The following BICD1 variants were observed in gnomAD, a reference collection of about 807,000 sequenced individuals.
The protein encoded by BICD1 is BICD cargo adaptor 1, also known as protein bicaudal D homolog 1.
BICD1 carries 35 observed loss-of-function variants against 92.5 expected under a neutral mutation model. That is an observed-to-expected ratio of 0.38 (90% CI 0.29 to 0.50). The LOEUF (loss-of-function observed/expected upper bound fraction) is 0.50, where lower values mean the gene tolerates loss of function less well. Among genes scored for constraint, BICD1 ranks in the 20% least tolerant of loss-of-function variants. The probability of loss-of-function intolerance (pLI) is 0.93; values close to 1 mark genes in which losing one functional copy is unlikely to be tolerated. For synonymous variants in BICD1, 429 were observed against 465.1 expected (o/e 0.92, Z 1.00); for missense variants, 950 against 1,189.8 (o/e 0.80, Z 2.97).
intron 4 of BICD1, among the ~76,000 whole-genome samples, chr12:32,322,734 A>C (rs1179323730): frequency 6.6e-6 from 1 of 152,244 alleles, no homozygotes; most frequent in East Asian, 1.9e-4. Flanking sequence ...TTAGGCTTAG[A>C]AAATGTTTAT....
chr12:32,327,830 A>C lies in BICD1; in HGVS notation c.1375A>C (p.Ile459Leu), dbSNP rs935771046. The change falls in exon 5 of 10, where the codon ATC becomes CTC. Residue 459 changes from isoleucine to leucine, a missense_variant. By Grantham distance (5) the Ile-to-Leu change is conservative. Coordinates refer to ENST00000652176, the MANE Select transcript of BICD1 (RefSeq NM_001714.4). ...TDEKAKYESK[I>L]QMYDEQVTSL... ...TGAGAAGGCCAAGTATGAGAGTAAA[A>C]TCCAGATGTATGATGAGCAGGTGAC... is the stretch of plus-strand genomic sequence containing the variant. The C allele has an allele frequency of 1.5e-5, 25 of 1,613,962 alleles. No homozygotes were observed. The African/African-American group carries it at 2.7e-4, about 17-fold the overall frequency.
intron 5 of BICD1, among the ~76,000 whole-genome samples, chr12:32,330,306 C>G (rs1271322357): frequency 2.0e-5 from 3 of 151,596 alleles, no homozygotes; most frequent in African/African-American, 7.3e-5. Flanking sequence ...CCATCATTCT[C>G]AGCAAACTAT....
intron 2 of BICD1, among the ~76,000 whole-genome samples, chr12:32,221,332 G>A (rs1254800662): frequency 4.8e-5 from 7 of 146,760 alleles, no homozygotes; most frequent in East Asian, 4.0e-4. Flanking sequence ...ATTAATAAAC[G>A]TTATCTGTAT....
Position 32,335,154 on chromosome 12 carries a change from ATT to A in BICD1, c.2252+500_2252+501del, listed in dbSNP as rs11326277. Among the ~76,000 whole-genome samples, 1,257 of 147,550 alleles carry A rather than the reference ATT, an allele frequency of 8.5e-3. 13 individuals carry two copies. Among genetic ancestry groups the A allele is most frequent in the African/African-American group, 0.028 (1,132 of 40,336 alleles). Reference sequence around the variant, plus strand: ...TCATCACATCAGCTAATTACTTATAATTTTTTTTTTTTTTGAGACGGAGTCTT... The same window carrying A: ...TCATCACATCAGCTAATTACTTATAATTTTTTTTTTTTGAGACGGAGTCTT... On this transcript the variant is annotated intron_variant, in intron 6 of 9. Transcript: ENST00000652176.
At chr12:32,143,463 T>G (rs2668305) in intron 1 of BICD1, among the ~76,000 whole-genome samples, 83,492 of 151,888 alleles carry the variant, frequency 0.55, 23,188 homozygotes, top group South Asian at 0.69. Flanking sequence ...ACATTTTTTT[T>G]TGTGTGTGTG....
chr12:32,125,012 A>G lies in BICD1; in HGVS notation c.213+17468A>G, dbSNP rs763120777. ...GGGTCTGGGAGGATCTGCTGCTCCC[A>G]TGCCCTCCTTTGTATATTTTAAATC... is the stretch of plus-strand genomic sequence containing the variant. On this transcript the variant is annotated intron_variant, in intron 1 of 9. Coordinates refer to ENST00000652176, the MANE Select transcript of BICD1 (RefSeq NM_001714.4). Among the ~76,000 whole-genome samples, 14 of 152,324 alleles carry G rather than the reference A, an allele frequency of 9.2e-5. No individual in the cohort carries two copies. The South Asian group carries it at 2.3e-3, about 25-fold the overall frequency.
At chr12:32,245,845 C>A (rs1337015921) in intron 2 of BICD1, among the ~76,000 whole-genome samples, 1 of 151,352 alleles carries the variant, frequency 6.6e-6, no homozygotes, top group African/African-American at 2.4e-5. Flanking sequence ...GTCTGGCCAA[C>A]ATAGTGAAAC....
At chr12:32,369,042 G>A (rs1317265242) in intron 9 of BICD1, among the ~76,000 whole-genome samples, 1 of 152,244 alleles carries the variant, frequency 6.6e-6, no homozygotes, top group Admixed American at 6.5e-5. Flanking sequence ...ATTGTAGTTA[G>A]CATTCAAAAG....
chr12:32,320,526 CA>C (rs999084084), intron 4 of BICD1, among the ~76,000 whole-genome samples: 2 of 152,118 alleles, frequency 1.3e-5, no homozygotes, highest in African/African-American at 4.8e-5. Flanking sequence ...CCTGTAATCC[CA>C]GCTACTCGGG....
intron 8 of BICD1, among the ~76,000 whole-genome samples, chr12:32,345,884 T>C (rs1938544213): frequency 6.6e-6 from 1 of 152,256 alleles, no homozygotes; most frequent in Non-Finnish European, 1.5e-5. Flanking sequence ...GCACCATGGC[T>C]CACGCCTATA....
chr12:32,374,489 C>T (rs1210185412), intron 9 of BICD1, among the ~76,000 whole-genome samples: 7 of 151,518 alleles, frequency 4.6e-5, no homozygotes. Context: ...TTTACCAGGC[C>T]GTCAAACTCT....
At chr12:32,151,591 T>C (rs941202272) in intron 1 of BICD1, among the ~76,000 whole-genome samples, 2 of 152,234 alleles carry the variant, frequency 1.3e-5, no homozygotes, top group Non-Finnish European at 2.9e-5. Context: ...GTACATTATG[T>C]TGATTTGATA....
chr12:32,170,483 TTA>T (rs1403732216), intron 1 of BICD1, among the ~76,000 whole-genome samples: 1 of 152,224 alleles, frequency 6.6e-6, no homozygotes, highest in South Asian at 2.1e-4. Flanking sequence ...ACAATATTAT[TTA>T]GTCATTTCTC....
intron 1 of BICD1, among the ~76,000 whole-genome samples, chr12:32,139,892 CAG>C (rs1171445809): frequency 1.3e-5 from 2 of 152,166 alleles, no homozygotes; most frequent in Non-Finnish European, 2.9e-5. Context: ...ATACTGGTAA[CAG>C]AAAACTTGTT....
intron 1 of BICD1, among the ~76,000 whole-genome samples, chr12:32,132,245 G>A (rs959500808): frequency 2.0e-5 from 3 of 151,988 alleles, no homozygotes; most frequent in African/African-American, 7.3e-5. Context: ...GTGAAAACCT[G>A]TCTCTACTAA....
chr12:32,208,452 A>G (rs111694999), intron 1 of BICD1, among the ~76,000 whole-genome samples: 6 of 152,312 alleles, frequency 3.9e-5, no homozygotes, highest in Non-Finnish European at 5.9e-5. Context: ...AATTTGCCCA[A>G]TGTCACACAG....
At chr12:32,285,470 G>A (rs576971130) in intron 2 of BICD1, among the ~76,000 whole-genome samples, 1 of 152,206 alleles carries the variant, frequency 6.6e-6, no homozygotes, top group East Asian at 1.9e-4. Flanking sequence ...CATTAAAACT[G>A]GAAGGCAGTA....
chr12:32,331,755 C>T (rs1460806870), intron 5 of BICD1, among the ~76,000 whole-genome samples: 1 of 152,078 alleles, frequency 6.6e-6, no homozygotes, highest in Non-Finnish European at 1.5e-5. Context: ...GGATGCTCAA[C>T]CTGTACCATT....
At chr12:32,245,320 C>T (rs1946350584) in intron 2 of BICD1, among the ~76,000 whole-genome samples, 1 of 150,812 alleles carries the variant, frequency 6.6e-6, no homozygotes, top group Non-Finnish European at 1.5e-5. Context: ...GATCTCAGCT[C>T]ACTGCAAGCT....
Sources: allele counts gnomAD v4.1 joint callset (sites outside exome capture counted in the v4.1 genomes callset), GRCh38; gene constraint gnomAD v4.1.1; transcripts MANE v1.5; gene names NCBI Gene and HGNC (gene_info 2026-07-23, HGNC 2026-07-21).